CAMSAP2: variants seen among roughly 807,000 people sequenced by gnomAD.
CAMSAP2 encodes the protein calmodulin regulated spectrin associated protein family member 2, also known as calmodulin-regulated spectrin-associated protein 2.
CAMSAP2 carries 26 observed loss-of-function variants against 146.1 expected under a neutral mutation model. The ratio of observed to expected loss-of-function variants is 0.18; its 90% CI spans 0.13 to 0.25. The LOEUF (loss-of-function observed/expected upper bound fraction) is 0.25, where lower values mean the gene tolerates loss of function less well. Ranked by LOEUF, CAMSAP2 falls within the 10% of genes least tolerant of loss-of-function variation. The pLI is 1.00. For synonymous variants in CAMSAP2, 499 were observed against 596.6 expected, an observed-to-expected ratio of 0.84 and a Z score of 2.38; for missense variants, 1,381 against 1,759.3, an observed-to-expected ratio of 0.78 and a Z score of 3.85.
intron 11 of CAMSAP2, among the ~76,000 whole-genome samples, chr1:200,850,476 C>T (rs1190433177): frequency 1.3e-5 from 2 of 152,164 alleles, no homozygotes; most frequent in South Asian, 4.1e-4. Context: ...CTCTACTGCT[C>T]TTTCTCACTC....
intron 4 of CAMSAP2, among the ~76,000 whole-genome samples, chr1:200,831,505 A>G (rs1667042225): frequency 6.6e-6 from 1 of 152,168 alleles, no homozygotes; most frequent in South Asian, 2.1e-4. Flanking sequence ...TTAGAGATCT[A>G]TTTTTAAAAA....
Position 200,849,735 on chromosome 1 carries a change from A to T in CAMSAP2, c.2966A>T (p.Asn989Ile). The T allele has an allele frequency of 6.2e-7, 1 of 1,614,204 alleles. No individual in the cohort carries two copies. Among genetic ancestry groups the T allele is most frequent in the South Asian group, 1.1e-5 (1 of 91,086 alleles). ...AATGAGTTAAAAATAACACCTTTGA[A>T]TCGAACCTTGACACCTCCTCGGTCT... is the stretch of plus-strand genomic sequence containing the variant. ...RPNELKITPLNRTLTPPRSVD... is the reference protein window; with the variant it reads ...RPNELKITPLIRTLTPPRSVD... Residue 989 changes from asparagine to isoleucine, a missense_variant, in exon 11 of 17, where the codon AAT (asparagine) becomes ATT (isoleucine). By Grantham distance (149) the Asn-to-Ile change is moderately radical. Coordinates refer to ENST00000358823, the MANE Select transcript of CAMSAP2 (RefSeq NM_203459.4). This position sits in a 1 kb window ranked among gnomAD's most constrained non-coding sequence, Gnocchi z 6.3.
chr1:200,824,392 T>G (rs1355525816), intron 4 of CAMSAP2, among the ~76,000 whole-genome samples: 3 of 152,198 alleles, frequency 2.0e-5, no homozygotes, highest in Non-Finnish European at 4.4e-5. Flanking sequence ...CTGTAAAATC[T>G]GGGCACTAAG....
intron 2 of CAMSAP2, among the ~76,000 whole-genome samples, chr1:200,806,168 A>G (rs906388583): frequency 2.6e-5 from 4 of 152,194 alleles, no homozygotes; most frequent in Non-Finnish European, 5.9e-5. Context: ...CTGGAGAAAA[A>G]CTAGGGGAAA....
intron 2 of CAMSAP2, among the ~76,000 whole-genome samples, chr1:200,787,469 G>A (rs868783851): frequency 6.6e-6 from 1 of 152,148 alleles, no homozygotes; most frequent in African/African-American, 2.4e-5. Context: ...AGTGAAGCCC[G>A]GAGATAGGAC....
In CAMSAP2 at chr1:200,856,027, G is replaced by C. The variant is rs748120753; in HGVS notation, c.3914G>C (p.Gly1305Ala). The change falls in exon 15 of 17, where the codon GGC becomes GCC. Residue 1305 changes from glycine to alanine, a missense_variant. Around this residue, in one of 4 missense-constraint regions of CAMSAP2, gnomAD observed 560 missense variants for 715.9 expected, o/e 0.78. Coordinates refer to ENST00000358823, the MANE Select transcript of CAMSAP2 (RefSeq NM_203459.4). Reference sequence around the variant, plus strand: ...CTAATTAGATCAGAGTCTGTAGAAGGCTTCTTATCTCCAAGTCGTTGTGGC... The same window carrying C: ...CTAATTAGATCAGAGTCTGTAGAAGCCTTCTTATCTCCAAGTCGTTGTGGC... Reference protein sequence around the residue: ...KRTPRSESVEGFLSPSRCGSR... With the variant: ...KRTPRSESVEAFLSPSRCGSR... The C allele has an allele frequency of 3.7e-6, 6 of 1,612,510 alleles. No homozygotes were observed. The South Asian group carries it at 4.4e-5, about 12-fold the overall frequency.
At chr1:200,775,779 C>A (rs550374435) in intron 2 of CAMSAP2, among the ~76,000 whole-genome samples, 2 of 152,164 alleles carry the variant, frequency 1.3e-5, no homozygotes, top group Non-Finnish European at 1.5e-5. Flanking sequence ...GATCCACCCC[C>A]CTCGGCCTCC....
chr1:200,801,286 G>A (rs529446900), intron 2 of CAMSAP2, among the ~76,000 whole-genome samples: 1 of 151,670 alleles, frequency 6.6e-6, no homozygotes, highest in East Asian at 1.9e-4. Context: ...AAAATAGAAT[G>A]TTGAATATTG....
In CAMSAP2 at chr1:200,853,201, C is replaced by T; in HGVS notation, c.3603-74C>T. 3.1e-6 allele frequency: 4 copies of T among 1,292,578 alleles called. No individual in the cohort carries two copies. Among genetic ancestry groups the T allele is most frequent in the Non-Finnish European group, 4.4e-6 (4 of 917,258 alleles). The allele number at this position is 1,292,578 out of a possible 1,614,324, so 80.1% of individuals were successfully genotyped here. ...GAAATAGAATTCTCCTTTCTCATAT[C>T]AAATACATAACTCTCTCCTGTATGG... On this transcript the variant is annotated intron_variant, in intron 12 of 16. Transcript: ENST00000358823. The surrounding 1 kb of genome is among the most constrained non-coding windows in gnomAD (Gnocchi z 5.1).
intron 4 of CAMSAP2, among the ~76,000 whole-genome samples, chr1:200,817,191 T>TACACACACATATAA (rs71135399): frequency 7.5e-6 from 1 of 133,530 alleles, no homozygotes; most frequent in Non-Finnish European, 1.7e-5. Context: ...CACACACACA[T>TACACACACATATAA]GTGTGTGTGT....
chr1:200,784,279 A>G (rs1444646227), intron 2 of CAMSAP2, among the ~76,000 whole-genome samples: 2 of 152,046 alleles, frequency 1.3e-5, no homozygotes, highest in African/African-American at 4.8e-5. Flanking sequence ...GCATTTCCAT[A>G]TAAATTTTAG....
rs1571811175 is a variant in CAMSAP2, at chr1:200,832,646, A to G, written c.788-60A>G. 2 of 1,367,060 alleles carry G rather than the reference A, an allele frequency of 1.5e-6. No homozygotes were observed. The highest frequency in any genetic ancestry group is 2.9e-5 in the African/African-American group (2 of 68,182). The allele number at this position is 1,367,060 out of a possible 1,614,324, so 84.7% of individuals were successfully genotyped here. The stretch of plus-strand genomic sequence containing the variant: ...TATTTGTACTAATTACAAGATGGAT[A>G]TGAAATATTTATTATCAAATTAATC... On this transcript the variant is annotated intron_variant, in intron 5 of 16. Coordinates refer to ENST00000358823, the MANE Select transcript of CAMSAP2 (RefSeq NM_203459.4). This position sits in a 1 kb window ranked among gnomAD's most constrained non-coding sequence, Gnocchi z 4.2.
In CAMSAP2 at chr1:200,792,647, G is replaced by A. The variant is rs531856078; in HGVS notation, c.400-14729G>A. On this transcript the variant is annotated intron_variant, in intron 2 of 16. Coordinates refer to ENST00000358823, the MANE Select transcript of CAMSAP2 (RefSeq NM_203459.4). ...ATGACAAAGCAAGAGACTCCGTCTC[G>A]GGCAGTAGGGGTGGGGGAGAAGACA... 7.8e-4 allele frequency among the ~76,000 whole-genome samples: 118 copies of A among 152,230 alleles called. No homozygotes were observed. In the South Asian group the frequency reaches 0.023, roughly 29 times the overall value.
chr1:200,798,346 G>T (rs1665942779), intron 2 of CAMSAP2, among the ~76,000 whole-genome samples: 1 of 117,426 alleles, frequency 8.5e-6, no homozygotes, highest in African/African-American at 3.6e-5. Flanking sequence ...ATTTCCTTGA[G>T]CAGTGGTTTG....
chr1:200,848,048 G>A lies in CAMSAP2; in HGVS notation c.1279G>A (p.Val427Ile), dbSNP rs755800218. 4.3e-5 allele frequency: 67 copies of A among 1,541,440 alleles called. No homozygotes were observed. The East Asian group carries it at 5.0e-4, about 11-fold the overall frequency. The part of the protein sequence containing the change: ...PKEKRSSVHG[V>I]SFDISFDKED... ...TTTTTTTAGATCATCAGTGCATGGC[G>A]TATCATTTGATATTTCTTTTGATAA... is the stretch of plus-strand genomic sequence containing the variant. Residue 427 changes from valine (V) to isoleucine (I), a missense_variant, in exon 11 of 17, where the codon GTA becomes ATA. Val to Ile is a conservative substitution (Grantham distance 29). Around this residue, in one of 4 missense-constraint regions of CAMSAP2, gnomAD observed 447 missense variants for 462.2 expected, o/e 0.97. Transcript: ENST00000358823.
At chr1:200,827,680 T>TTTTCTAAATAA (rs1666939043) in intron 4 of CAMSAP2, among the ~76,000 whole-genome samples, 1 of 152,114 alleles carries the variant, frequency 6.6e-6, no homozygotes, top group African/African-American at 2.4e-5. Context: ...CTTATTTATA[T>TTTTCTAAATAA]TATTTTTCTG....
chr1:200,832,316 C>T lies in CAMSAP2; in HGVS notation c.762C>T (p.Tyr254=), dbSNP rs1417162093. 2 of 1,613,058 alleles carry T rather than the reference C, an allele frequency of 1.2e-6. No individual in the cohort carries two copies. The highest frequency in any genetic ancestry group is 2.7e-5 in the African/African-American group (2 of 74,830). ...GCALAALIHF[Y]CPDVVRLEDI... ...CATTAGCTGCCCTTATTCATTTTTA[C>T]TGTCCTGATGTTGTCAGATTAGAGG... The change falls in exon 5 of 17, where the codon TAC becomes TAT. Residue 254 remains tyrosine (Y), a synonymous_variant. Transcript: ENST00000358823. This position sits in a 1 kb window ranked among gnomAD's most constrained non-coding sequence, Gnocchi z 4.2.
Position 200,848,780 on chromosome 1 carries a change from A to G in CAMSAP2, c.2011A>G (p.Lys671Glu), listed in dbSNP as rs1416745279. The change falls in exon 11 of 17, where the codon AAG becomes GAG. Residue 671 changes from lysine (K) to glutamate (E), a missense_variant. By Grantham distance (56) the Lys-to-Glu change is moderately conservative (BLOSUM62 1). Coordinates refer to ENST00000358823, the MANE Select transcript of CAMSAP2 (RefSeq NM_203459.4). Reference protein sequence around the residue: ...LSPCPSTVSTKSQPGSSASSS... With the variant: ...LSPCPSTVSTESQPGSSASSS... ...TCCTTGTCCAAGTACTGTAAGTACC[A>G]AGTCTCAGCCAGGCAGCAGTGCTTC... 6.2e-7 allele frequency: 1 copy of G among 1,614,190 alleles called. No individual in the cohort carries two copies. Among genetic ancestry groups the G allele is most frequent in the Non-Finnish European group, 8.5e-7 (1 of 1,180,008 alleles).
At chr1:200,828,172 C>T (rs147305209) in intron 4 of CAMSAP2, among the ~76,000 whole-genome samples, 24 of 152,210 alleles carry the variant, frequency 1.6e-4, no homozygotes, top group African/African-American at 5.8e-4. Flanking sequence ...ATTGCCTTGT[C>T]AGACACAGTC....
Sources: allele counts gnomAD v4.1 joint callset (sites outside exome capture counted in the v4.1 genomes callset), GRCh38; gene constraint gnomAD v4.1.1; regional missense constraint gnomAD v4.1.1; non-coding constraint Gnocchi (gnomAD v3.1); transcripts MANE v1.5; gene names NCBI Gene and HGNC (gene_info 2026-07-23, HGNC 2026-07-21).